TRPM3: variants seen among roughly 807,000 people sequenced by gnomAD.
The protein encoded by TRPM3 is transient receptor potential cation channel subfamily M member 3, also known as long transient receptor potential channel 3.
Under a neutral mutation model 181.2 loss-of-function variants are expected in TRPM3, and 77 were observed. The ratio of observed to expected loss-of-function variants is 0.42; its 90% confidence interval spans 0.35 to 0.51. TRPM3 has a LOEUF of 0.51. Ranked by LOEUF, TRPM3 falls within the 20% of genes least tolerant of loss-of-function variation. The probability of loss-of-function intolerance (pLI) is 0.01; values close to 1 mark genes in which losing one functional copy is unlikely to be tolerated. For missense variants in TRPM3, 1,759 were observed against 2,196.7 expected, an observed-to-expected ratio of 0.80 and a Z score of 3.98; for synonymous variants, 745 against 796.4, an observed-to-expected ratio of 0.94 and a Z score of 1.09.
At chr9:70,544,567 G>A (rs1342364258) in intron 25 of TRPM3, among the ~76,000 whole-genome samples, 1 of 152,048 alleles carries the variant, frequency 6.6e-6, no homozygotes, top group African/African-American at 2.4e-5. Flanking sequence ...GTCATGCAGT[G>A]GTCCTCTGAC....
At chr9:70,575,109 A>ATTT (rs55876205) in intron 22 of TRPM3, among the ~76,000 whole-genome samples, 6,133 of 134,282 alleles carry the variant, frequency 0.046, 269 homozygotes, top group East Asian at 0.15. Context: ...ATCCCGCATA[A>ATTT]TTTTTTTTTT....
At chr9:70,610,371 T>C (rs115677451) in intron 19 of TRPM3, among the ~76,000 whole-genome samples, 2,012 of 148,142 alleles carry the variant, frequency 0.014, 42 homozygotes, top group African/African-American at 0.045. Context: ...CCTCTATTAC[T>C]GTTAGTTCTC....
At chr9:71,417,523 C>T (rs1047330514) in intron 1 of TRPM3, among the ~76,000 whole-genome samples, 32 of 152,024 alleles carry the variant, frequency 2.1e-4, no homozygotes, top group Middle Eastern at 3.4e-3. Context: ...ACAATGCCTG[C>T]CCCAACAGCA....
At position 71,016,816 on chromosome 9, in the gene TRPM3, G is replaced by A. The variant is rs993320347; in HGVS notation, c.177+104362C>T. Among the ~76,000 whole-genome samples, 14 of 152,068 alleles carry A rather than the reference G, an allele frequency of 9.2e-5. No homozygotes were observed. In the East Asian group the frequency reaches 2.7e-3, roughly 29 times the overall value. On this transcript the variant is annotated intron_variant, in intron 1 of 25. Coordinates refer to ENST00000677713, the MANE Select transcript of TRPM3 (RefSeq NM_001366145.2). ...CTATTTTTAATTTTTTGAGGAACACGTTCTGTTTTCTACAGTGGTTACATC... is the reference window on the plus strand; with the variant it reads ...CTATTTTTAATTTTTTGAGGAACACATTCTGTTTTCTACAGTGGTTACATC...
At chr9:71,380,773 T>C (rs966418479) in intron 1 of TRPM3, among the ~76,000 whole-genome samples, 2 of 152,118 alleles carry the variant, frequency 1.3e-5, no homozygotes, top group African/African-American at 4.8e-5. Flanking sequence ...ACGTATTTAC[T>C]AACTTAGGTC....
chr9:70,670,098 G>T (rs1284103604), intron 9 of TRPM3, among the ~76,000 whole-genome samples: 1 of 152,096 alleles, frequency 6.6e-6, no homozygotes, highest in Admixed American at 6.5e-5. Flanking sequence ...TGGGGTGTGA[G>T]ATAGTATGAT....
chr9:70,582,181 CGTGTGTGTGTGTGT>C (rs3073501), intron 22 of TRPM3, among the ~76,000 whole-genome samples: 11 of 149,154 alleles, frequency 7.4e-5, no homozygotes, highest in African/African-American at 2.2e-4. Context: ...CCACCCTGTG[CGTGTGTGTGTGTGT>C]GTGTGTGTGT....
rs201137745 is a variant in TRPM3, at chr9:71,342,203, G to T, written c.183+104450C>A. On this transcript the variant is annotated intron_variant, in intron 1 of 24. Transcript: ENST00000357533. Reference sequence around the variant, plus strand: ...CCATAAAGTTTGGCACATTTGGAATGCCAAATGTGCCAAACTTTATGGAGA... The same window carrying T: ...CCATAAAGTTTGGCACATTTGGAATTCCAAATGTGCCAAACTTTATGGAGA... Among the ~76,000 whole-genome samples, 150 of 145,626 alleles carry T rather than the reference G, an allele frequency of 1.0e-3. No individual in the cohort carries two copies. In the East Asian group the frequency reaches 0.018, roughly 17 times the overall value.
chr9:70,797,363 T>C (rs891930454), intron 6 of TRPM3, among the ~76,000 whole-genome samples: 1 of 152,268 alleles, frequency 6.6e-6, no homozygotes, highest in African/African-American at 2.4e-5. Flanking sequence ...TTCCCTAATA[T>C]AATGATCTTC....
chr9:70,883,357 A>G (rs1206757119), intron 1 of TRPM3, among the ~76,000 whole-genome samples: 1 of 152,242 alleles, frequency 6.6e-6, no homozygotes, highest in Non-Finnish European at 1.5e-5. Context: ...GGCATGGAAA[A>G]TTAATGCTGA....
intron 1 of TRPM3, among the ~76,000 whole-genome samples, chr9:71,439,147 T>C (rs914061294): frequency 1.3e-5 from 2 of 152,324 alleles, no homozygotes; most frequent in Admixed American, 6.5e-5. Flanking sequence ...GAAATAATCA[T>C]CTTGGAAAAG....
At chr9:71,384,156 T>C (rs1238448353) in intron 1 of TRPM3, among the ~76,000 whole-genome samples, 1 of 152,218 alleles carries the variant, frequency 6.6e-6, no homozygotes, top group African/African-American at 2.4e-5. Flanking sequence ...TAAATAACTC[T>C]AGTTGTTTTC....
chr9:70,812,091 T>C (rs1250308389), intron 6 of TRPM3, among the ~76,000 whole-genome samples: 1 of 152,218 alleles, frequency 6.6e-6, no homozygotes, highest in African/African-American at 2.4e-5. Flanking sequence ...GGTCAGATGG[T>C]CTCAGAGGAG....
intron 6 of TRPM3, among the ~76,000 whole-genome samples, chr9:70,803,451 G>GTTT (rs36024262): frequency 1.5e-4 from 19 of 125,328 alleles, no homozygotes; most frequent in Non-Finnish European, 2.5e-4. Context: ...CGTTTTTGTT[G>GTTT]TTTTTTTTTT....
chr9:71,085,748 C>A (rs1003877430), intron 1 of TRPM3, among the ~76,000 whole-genome samples: 3 of 151,892 alleles, frequency 2.0e-5, no homozygotes, highest in Non-Finnish European at 2.9e-5. Flanking sequence ...ACTGTTGATG[C>A]AAATGTAAAT....
chr9:70,815,553 T>TA (rs145473319), intron 6 of TRPM3, among the ~76,000 whole-genome samples: 4,549 of 152,338 alleles, frequency 0.03, 92 homozygotes, highest in Middle Eastern at 0.058. Context: ...TTTGATAGGT[T>TA]AAAAAATTGT....
intron 1 of TRPM3, among the ~76,000 whole-genome samples, chr9:71,252,405 A>G (rs2082400518): frequency 6.6e-6 from 1 of 150,868 alleles, no homozygotes; most frequent in African/African-American, 2.5e-5. Flanking sequence ...TCAGACATTG[A>G]CATTGCTTTG....
chr9:71,270,830 A>G (rs1233183137), intron 1 of TRPM3, among the ~76,000 whole-genome samples: 1 of 152,176 alleles, frequency 6.6e-6, no homozygotes, highest in East Asian at 1.9e-4. Context: ...CCTTCAGATC[A>G]TTTGTTTTGG....
intron 1 of TRPM3, among the ~76,000 whole-genome samples, chr9:70,925,311 C>T (rs918140951): frequency 6.6e-6 from 1 of 151,986 alleles, no homozygotes; most frequent in African/African-American, 2.4e-5. Context: ...AATGTGTGTT[C>T]GAGAGTACTG....
Sources: gnomAD v4.1 joint callset for allele counts (sites outside exome capture counted in the v4.1 genomes callset) on GRCh38, gnomAD v4.1.1 for gene constraint, MANE v1.5 for transcripts, NCBI Gene and HGNC (gene_info 2026-07-23, HGNC 2026-07-21) for gene names.